Variants in PDLIM5 observed in about 807,000 individuals in gnomAD.
PDLIM5 encodes PDZ and LIM domain protein 5.
PDLIM5 carries 34 observed loss-of-function variants against 64.2 expected under a neutral mutation model. That is an observed-to-expected ratio of 0.53 (90% CI 0.40 to 0.71). The LOEUF is 0.71. Ranked by LOEUF, PDLIM5 falls within the 30% of genes least tolerant of loss-of-function variation. The probability of loss-of-function intolerance (pLI) is 0.00; values close to 1 mark genes in which losing one functional copy is unlikely to be tolerated. For missense variants in PDLIM5, 683 were observed against 733.6 expected (o/e 0.93, Z 0.80); for synonymous variants, 253 against 269.1 (o/e 0.94, Z 0.59).
intron 2 of PDLIM5, among the ~76,000 whole-genome samples, chr4:94,504,600 A>G (rs1391561563): frequency 6.6e-6 from 1 of 152,016 alleles, no homozygotes; most frequent in Non-Finnish European, 1.5e-5. Flanking sequence ...CGCTATTTTC[A>G]TGGAGAAAGA....
At chr4:94,526,935 A>G (rs1366133118) in intron 3 of PDLIM5, among the ~76,000 whole-genome samples, 4 of 148,906 alleles carry the variant, frequency 2.7e-5, no homozygotes, top group Non-Finnish European at 4.4e-5. Context: ...GAGTTTCGTC[A>G]TGTTGTCCAG....
chr4:94,457,287 T>C, intron 2 of PDLIM5: 1 of 364,294 alleles, frequency 2.7e-6, no homozygotes, highest in South Asian at 1.1e-4. Flanking sequence ...TTAGATTTTA[T>C]AAGGAAGTAT....
intron 2 of PDLIM5, among the ~76,000 whole-genome samples, chr4:94,504,949 G>A (rs1728258103): frequency 6.6e-6 from 1 of 152,188 alleles, no homozygotes; most frequent in Non-Finnish European, 1.5e-5. Context: ...TCTAAACCAA[G>A]TTTCTTGTAA....
At chr4:94,610,000 G>A (rs966577047) in intron 7 of PDLIM5, among the ~76,000 whole-genome samples, 2 of 152,176 alleles carry the variant, frequency 1.3e-5, no homozygotes, top group African/African-American at 4.8e-5. Context: ...AACCGTAGGA[G>A]CACAGACTAA....
At chr4:94,600,025 C>T (rs1264679372) in intron 7 of PDLIM5, among the ~76,000 whole-genome samples, 2 of 152,062 alleles carry the variant, frequency 1.3e-5, no homozygotes, top group Admixed American at 6.6e-5. Flanking sequence ...AAATAAGAGT[C>T]CAGGAGATGC....
chr4:94,499,038 A>G (rs541309559), intron 2 of PDLIM5, among the ~76,000 whole-genome samples: 3 of 152,334 alleles, frequency 2.0e-5, no homozygotes, highest in Non-Finnish European at 4.4e-5. Flanking sequence ...ATTGTGGTCT[A>G]CTTTAGTAGA....
chr4:94,593,717 A>T (rs1192496546), intron 7 of PDLIM5, among the ~76,000 whole-genome samples: 1 of 152,148 alleles, frequency 6.6e-6, no homozygotes, highest in Non-Finnish European at 1.5e-5. Flanking sequence ...TAATGGAGGG[A>T]TACAGTTCGG....
chr4:94,597,400 C>A (rs1308963823), intron 7 of PDLIM5, among the ~76,000 whole-genome samples: 2 of 150,870 alleles, frequency 1.3e-5, no homozygotes, highest in African/African-American at 2.4e-5. Context: ...AGTACACCCA[C>A]CAACAGTAAA....
intron 2 of PDLIM5, among the ~76,000 whole-genome samples, chr4:94,514,188 GCAGTGGCGCAAT>G (rs2110111695): frequency 6.8e-6 from 1 of 146,220 alleles, no homozygotes; most frequent in African/African-American, 2.5e-5. Flanking sequence ...AGGCTGGAGT[GCAGTGGCGCAAT>G]CTGGGCTCAC....
chr4:94,660,812 C>A (rs1405338513), intron 11 of PDLIM5, among the ~76,000 whole-genome samples: 2 of 152,050 alleles, frequency 1.3e-5, no homozygotes, highest in African/African-American at 4.8e-5. Context: ...TGTCAAAGGC[C>A]AAAGGGTGAA....
intron 8 of PDLIM5, among the ~76,000 whole-genome samples, chr4:94,622,845 A>G (rs890437786): frequency 2.0e-5 from 3 of 151,828 alleles, no homozygotes; most frequent in Admixed American, 6.6e-5. Context: ...TAATTTTTGT[A>G]TTTTTAATAG....
intron 1 of PDLIM5, among the ~76,000 whole-genome samples, chr4:94,454,528 ACT>A (rs2126069857): frequency 6.6e-6 from 1 of 152,170 alleles, no homozygotes; most frequent in South Asian, 2.1e-4. Flanking sequence ...GCAAATGCTT[ACT>A]CTCTGCCTGG....
intron 2 of PDLIM5, among the ~76,000 whole-genome samples, chr4:94,506,239 C>G (rs960425030): frequency 6.6e-6 from 1 of 152,124 alleles, no homozygotes; most frequent in African/African-American, 2.4e-5. Flanking sequence ...AAAGTAATTC[C>G]TAGTATGATA....
intron 2 of PDLIM5, among the ~76,000 whole-genome samples, chr4:94,502,286 A>G (rs1026496913): frequency 1.2e-4 from 18 of 152,200 alleles, no homozygotes; most frequent in African/African-American, 3.9e-4. Context: ...CCAGCCTACT[A>G]TATTTAAGTA....
chr4:94,638,949 C>G (rs2110453591), intron 8 of PDLIM5, among the ~76,000 whole-genome samples: 1 of 152,176 alleles, frequency 6.6e-6, no homozygotes, highest in South Asian at 2.1e-4. Flanking sequence ...AAATATATAG[C>G]AGAAACAGTA....
intron 2 of PDLIM5, among the ~76,000 whole-genome samples, chr4:94,518,414 C>T (rs1323614198): frequency 6.6e-6 from 1 of 152,098 alleles, no homozygotes. Flanking sequence ...GTTCTGCTGT[C>T]TTGAGATATT....
At chr4:94,505,930 C>T (rs1314485664) in intron 2 of PDLIM5, among the ~76,000 whole-genome samples, 1 of 152,182 alleles carries the variant, frequency 6.6e-6, no homozygotes, top group Non-Finnish European at 1.5e-5. Flanking sequence ...TCAACTCAAA[C>T]TTCAGCCCCC....
At chr4:94,524,508 TTA>T (rs1192926273) in intron 3 of PDLIM5, among the ~76,000 whole-genome samples, 9 of 152,054 alleles carry the variant, frequency 5.9e-5, no homozygotes, top group Non-Finnish European at 2.9e-5. Context: ...GGGTATTCTT[TTA>T]GGATATGATT....
intron 10 of PDLIM5, chr4:94,656,727 C>T (rs368210224): frequency 4.6e-5 from 7 of 151,372 alleles, no homozygotes; most frequent in East Asian, 3.9e-4. Context: ...TTCCACCTCA[C>T]GAGTTTATGC....
Sources: gnomAD v4.1 joint callset for allele counts (sites outside exome capture counted in the v4.1 genomes callset) on GRCh38, gnomAD v4.1.1 for gene constraint, MANE v1.5 for transcripts, NCBI Gene and HGNC (gene_info 2026-07-23, HGNC 2026-07-21) for gene names.